Variants in ATXN10 observed in about 807,000 individuals in gnomAD.
ATXN10 encodes the protein ataxin-10.
ATXN10 carries 28 observed loss-of-function variants against 52.9 expected under a neutral mutation model. The observed-to-expected ratio is 0.53, with a 90% CI of 0.39 to 0.73. The LOEUF (loss-of-function observed/expected upper bound fraction) is 0.73, where lower values mean the gene tolerates loss of function less well. Among genes scored for constraint, ATXN10 ranks in the 30% least tolerant of loss-of-function variants. The probability of loss-of-function intolerance (pLI) is 0.00; values close to 1 mark genes in which losing one functional copy is unlikely to be tolerated. For missense variants in ATXN10, 565 were observed against 577.0 expected, an observed-to-expected ratio of 0.98 and a Z score of 0.21; for synonymous variants, 226 against 221.5, an observed-to-expected ratio of 1.02 and a Z score of -0.18.
At chr22:45,700,512 G>C in intron 4 of ATXN10, 134 bp downstream of exon 4, 1 of 736,578 alleles carries the variant, frequency 1.4e-6, no homozygotes, top group East Asian at 2.8e-5. Flanking sequence ...TTCTTGGTGG[G>C]TGGGTACCAG....
chr22:45,806,912 A>C, intron 9 of ATXN10, 47 bp from the exon 10 acceptor site: 1 of 1,407,968 alleles, frequency 7.1e-7, no homozygotes, highest in South Asian at 1.1e-5. Flanking sequence ...ATCTCTGACT[A>C]TAGCCATGCT....
chr22:45,713,717 G>A lies in ATXN10; in HGVS notation c.648-4696G>A, dbSNP rs375022584. Among the ~76,000 whole-genome samples, 11 of 152,216 alleles carry A rather than the reference G, an allele frequency of 7.2e-5. No homozygotes were observed. The South Asian group carries it at 1.7e-3, about 23-fold the overall frequency. ...CAAAATGCATAGTTTACCCCCAGCC[G>A]TTTACCTAGTTCTTCCAACCACAAC... On this transcript the variant is annotated intron_variant, in intron 5 of 11. Transcript: ENST00000252934.
chr22:45,807,499 A>G (rs1304482399), intron 10 of ATXN10, among the ~76,000 whole-genome samples: 1 of 152,224 alleles, frequency 6.6e-6, no homozygotes, highest in Admixed American at 6.5e-5. Flanking sequence ...GGAGCATCTC[A>G]GTGGTGCTGA....
rs559640468 is a variant in ATXN10, at chr22:45,824,005, C to T, written c.1237+16983C>T. 5.3e-5 allele frequency among the ~76,000 whole-genome samples: 8 copies of T among 152,264 alleles called. No individual in the cohort carries two copies. The highest frequency in any genetic ancestry group is 4.1e-4 in the South Asian group (2 of 4,824). ...GCAAAGCACATCATGTTTACTTCTT[C>T]GTTTTTTGTTTGTTTGTTTGTTTTG... On this transcript the variant is annotated intron_variant, in intron 10 of 11. Coordinates refer to ENST00000252934, the MANE Select transcript of ATXN10 (RefSeq NM_013236.4). This position sits in a 1 kb window ranked among gnomAD's most constrained non-coding sequence, Gnocchi z 5.2.
At chr22:45,724,218 C>A (rs994767334) in intron 6 of ATXN10, among the ~76,000 whole-genome samples, 2 of 152,104 alleles carry the variant, frequency 1.3e-5, no homozygotes, top group Non-Finnish European at 2.9e-5. Context: ...GGTAGGTCTA[C>A]TTTTAGTTCT....
At chr22:45,731,664 C>T (rs1925094126) in intron 7 of ATXN10, among the ~76,000 whole-genome samples, 1 of 152,074 alleles carries the variant, frequency 6.6e-6, no homozygotes, top group Non-Finnish European at 1.5e-5. Context: ...GAATGTGATC[C>T]GATACTGTGA....
At chr22:45,722,435 A>G (rs889652802) in intron 6 of ATXN10, among the ~76,000 whole-genome samples, 46 of 152,206 alleles carry the variant, frequency 3.0e-4, no homozygotes, top group African/African-American at 1.0e-3. Flanking sequence ...AGGATAGTCT[A>G]TTCTGAGGTG....
At chr22:45,768,340 C>T (rs1017830250) in intron 9 of ATXN10, among the ~76,000 whole-genome samples, 4 of 151,706 alleles carry the variant, frequency 2.6e-5, no homozygotes, top group Admixed American at 6.6e-5. Flanking sequence ...GACACAAGAC[C>T]CTTAAAGTGT....
chr22:45,773,103 ACTGTACATGT>A (rs1379398152), intron 9 of ATXN10, among the ~76,000 whole-genome samples: 1 of 152,194 alleles, frequency 6.6e-6, no homozygotes, highest in Non-Finnish European at 1.5e-5. Context: ...TGGGGGAGCT[ACTGTACATGT>A]TACTTTTTAA....
chr22:45,810,878 C>T (rs968283332), intron 10 of ATXN10, among the ~76,000 whole-genome samples: 6 of 152,168 alleles, frequency 3.9e-5, no homozygotes, highest in Admixed American at 3.9e-4. Context: ...ATAGCACCTA[C>T]TTGATATCCT....
chr22:45,737,141 G>C (rs1298781087), intron 7 of ATXN10, among the ~76,000 whole-genome samples: 1 of 152,188 alleles, frequency 6.6e-6, no homozygotes, highest in Non-Finnish European at 1.5e-5. Flanking sequence ...AAAACCGCTT[G>C]ATTTGTTTTC....
At chr22:45,773,890 C>T (rs1426638946) in intron 9 of ATXN10, among the ~76,000 whole-genome samples, 1 of 152,168 alleles carries the variant, frequency 6.6e-6, no homozygotes, top group Non-Finnish European at 1.5e-5. Context: ...ATTGGAAGAA[C>T]AAGAGAAGGA....
chr22:45,783,916 G>A lies in ATXN10; in HGVS notation c.1174-23043G>A, dbSNP rs1927236320. ...TTCTTTCCTGTAGGTCAAGGCTGGT[G>A]AGAGTTTGGCACTTGAGATGTCTTC... On this transcript the variant is annotated intron_variant, in intron 9 of 11. Transcript: ENST00000252934. The surrounding 1 kb of genome is among the most constrained non-coding windows in gnomAD (Gnocchi z 5.0). Among the ~76,000 whole-genome samples, 1 of 152,180 alleles carries A rather than the reference G, an allele frequency of 6.6e-6. No homozygotes were observed. Among genetic ancestry groups the A allele is most frequent in the Non-Finnish European group, 1.5e-5 (1 of 68,042 alleles).
chr22:45,837,428 A>AT lies in ATXN10; in HGVS notation c.1238-5556dup, dbSNP rs561187882. ...GGCGGCTCACCAGCACGCCCAGCTG[A>AT]TTTTTTTGTATATTTAGTAGAGATG... On this transcript the variant is annotated intron_variant, in intron 10 of 11. Transcript: ENST00000252934. The surrounding 1 kb of genome is among the most constrained non-coding windows in gnomAD (Gnocchi z 5.8). 2.0e-3 allele frequency among the ~76,000 whole-genome samples: 300 copies of AT among 151,880 alleles called. No individual in the cohort carries two copies. Among genetic ancestry groups the AT allele is most frequent in the African/African-American group, 7.0e-3 (289 of 41,422 alleles).
chr22:45,740,703 C>G lies in ATXN10; in HGVS notation c.1173+165C>G, dbSNP rs1195752729. ...ATACACACACACACACACACACACA[C>G]ACACACACACACACACATATATATA... On this transcript the variant is annotated intron_variant, in intron 9 of 11. Transcript: ENST00000252934. 2.1e-5 allele frequency: 9 copies of G among 420,240 alleles called. 1 individual carries two copies. The highest frequency in any genetic ancestry group is 1.7e-4 in the African/African-American group (7 of 41,882). 26.0% of individuals were successfully genotyped at this position (420,240 alleles called of 1,614,324 possible). A position where few individuals can be genotyped will look rare whatever the true frequency, so the allele number is the denominator to read the frequency against.
chr22:45,697,085 C>T (rs1923637094), intron 3 of ATXN10, among the ~76,000 whole-genome samples: 1 of 152,056 alleles, frequency 6.6e-6, no homozygotes, highest in Non-Finnish European at 1.5e-5. Context: ...AATCGAGTGG[C>T]ATTTAGTACA....
intron 9 of ATXN10, among the ~76,000 whole-genome samples, chr22:45,800,380 A>G (rs1927892077): frequency 2.0e-5 from 3 of 152,270 alleles, no homozygotes; most frequent in Admixed American, 2.0e-4. Flanking sequence ...GATACTTTAC[A>G]TTATTAGCCA....
rs1922447258 is a variant in ATXN10 at position 45,671,848 on chromosome 22, C to T, written c.-216C>T. The T allele has an allele frequency of 2.4e-6, 1 of 414,142 alleles. No homozygotes were observed. Among genetic ancestry groups the T allele is most frequent in the African/African-American group, 2.1e-5 (1 of 47,310 alleles). 25.7% of individuals were successfully genotyped at this position (414,142 alleles called of 1,614,324 possible). Reference sequence around the variant, plus strand: ...TCCCCCGCGGCGCCGTCTCCTCCTCCCGCCTGAGGCGAGTCTGGGCTCAGC... The same window carrying T: ...TCCCCCGCGGCGCCGTCTCCTCCTCTCGCCTGAGGCGAGTCTGGGCTCAGC... On this transcript the variant is annotated 5_prime_UTR_variant, in exon 1 of 12. Transcript: ENST00000252934.
intron 1 of ATXN10, chr22:45,673,242 G>A (rs950093559): frequency 6.6e-6 from 1 of 152,240 alleles, no homozygotes; most frequent in African/African-American, 2.4e-5. Context: ...GCTCTCTCCT[G>A]TACTAGTATG....
Sources: gnomAD v4.1 joint callset for allele counts (sites outside exome capture counted in the v4.1 genomes callset) on GRCh38, gnomAD v4.1.1 for gene constraint, Gnocchi (gnomAD v3.1) non-coding constraint, MANE v1.5 for transcripts, NCBI Gene and HGNC (gene_info 2026-07-23, HGNC 2026-07-21) for gene names.